Variants in ANPEP observed in about 807,000 individuals in gnomAD.
The protein encoded by ANPEP is alanyl aminopeptidase, membrane.
In ANPEP, 70 loss-of-function variants were observed where a neutral mutation model predicts 114.6. The ratio of observed to expected loss-of-function variants is 0.61; its 90% CI spans 0.50 to 0.75. The LOEUF (loss-of-function observed/expected upper bound fraction) is 0.75, where lower values mean the gene tolerates loss of function less well. ANPEP is among the 30% of genes least tolerant of loss of function. ANPEP has a pLI of 0.00. For synonymous variants in ANPEP, 548 were observed against 522.3 expected, an observed-to-expected ratio of 1.05 and a Z score of -0.67; for missense variants, 1,184 against 1,259.5, an observed-to-expected ratio of 0.94 and a Z score of 0.91.
In ANPEP at chr15:89,800,509, A is replaced by G. The variant is rs577120394; in HGVS notation, c.1819+602T>C. 6.6e-5 allele frequency among the ~76,000 whole-genome samples: 10 copies of G among 150,812 alleles called. No individual in the cohort carries two copies. The East Asian group carries it at 1.9e-3, about 29-fold the overall frequency. ...AGTGCCTTGCTGAGTAGGGCTGCTCATAACATGTGCCAGGCACTACTTTAA... is the reference window on the plus strand; with the variant it reads ...AGTGCCTTGCTGAGTAGGGCTGCTCGTAACATGTGCCAGGCACTACTTTAA... On this transcript the variant is annotated intron_variant, in intron 12 of 20. Transcript: ENST00000300060.
At chr15:89,801,945 T>A (rs1217633301) in intron 10 of ANPEP, among the ~76,000 whole-genome samples, 1 of 150,288 alleles carries the variant, frequency 6.7e-6, no homozygotes, top group Non-Finnish European at 1.5e-5. Context: ...GAGACAGAGA[T>A]GAGAGAAAGC....
intron 18 of ANPEP, among the ~76,000 whole-genome samples, chr15:89,791,439 CTCTTT>C (rs1417538800): frequency 3.6e-5 from 3 of 84,320 alleles, no homozygotes; most frequent in Admixed American, 2.0e-4. Context: ...CTTTTCTTTT[CTCTTT>C]TCTTTTCTTT....
chr15:89,811,294 C>T (rs1012917125), intron 1 of ANPEP, among the ~76,000 whole-genome samples: 1 of 152,118 alleles, frequency 6.6e-6, no homozygotes, highest in Non-Finnish European at 1.5e-5. Flanking sequence ...TCCTTCTGAG[C>T]GATAAAATCA....
Position 89,799,275 on chromosome 15 carries a change from G to C in ANPEP, c.1994C>G (p.Ala665Gly). 6.2e-7 allele frequency: 1 copy of C among 1,614,206 alleles called. No homozygotes were observed. The highest frequency in any genetic ancestry group is 1.1e-5 in the South Asian group (1 of 91,088). The change falls in exon 14 of 21, where the codon GCC becomes GGC. Residue 665 changes from alanine to glycine, a missense_variant. By Grantham distance (60) the Ala-to-Gly change is moderately conservative. Transcript: ENST00000300060. This position sits in a 1 kb window ranked among gnomAD's most constrained non-coding sequence, Gnocchi z 4.2. The part of the protein sequence containing the change: ...VINRAQIIND[A>G]FNLASAHKVP... ...GAGCACTCACCTGGCCAGGTTGAAG[G>C]CGTCATTAATGATCTGTGCCCGATT...
At chr15:89,792,916 G>C in intron 16 of ANPEP, 119 bp downstream of exon 16, 1 of 889,338 alleles carries the variant, frequency 1.1e-6, no homozygotes, top group Non-Finnish European at 1.8e-6. Context: ...TCCTGGGTGG[G>C]GGTCTCTCCC....
chr15:89,791,066 G>C lies in ANPEP; in HGVS notation c.2556C>G (p.Asp852Glu), dbSNP rs1015428579. ...NRYLSYTLNPDLIRKQDATST... is the reference protein window; with the variant it reads ...NRYLSYTLNPELIRKQDATST... ...AGGTGGCGTCCTGCTTCCGGATTAA[G>C]TCCGGGTTCAGGGTGTAGCTCAGGT... Residue 852 changes from aspartate to glutamate, a missense_variant, in exon 19 of 21, where the codon GAC becomes GAG. Asp to Glu is a conservative substitution (Grantham distance 45). Coordinates refer to ENST00000300060, the MANE Select transcript of ANPEP (RefSeq NM_001150.3). 6.2e-7 allele frequency: 1 copy of C among 1,614,244 alleles called. No homozygotes were observed. Among genetic ancestry groups the C allele is most frequent in the South Asian group, 1.1e-5 (1 of 91,090 alleles).
At position 89,803,214 on chromosome 15, in the gene ANPEP, T is replaced by G; in HGVS notation, c.1569+25A>C. On this transcript the variant is annotated intron_variant, in intron 10 of 20. Coordinates refer to ENST00000300060, the MANE Select transcript of ANPEP (RefSeq NM_001150.3). The surrounding 1 kb of genome is among the most constrained non-coding windows in gnomAD (Gnocchi z 4.2). ...CATCTCAAGACCCCAACAGGATGGC[T>G]GTGGAGGGGCTGGCTGCTACTGACC... The G allele has an allele frequency of 6.2e-7, 1 of 1,610,344 alleles. No individual in the cohort carries two copies. Among genetic ancestry groups the G allele is most frequent in the Non-Finnish European group, 8.5e-7 (1 of 1,176,520 alleles).
At position 89,797,648 on chromosome 15, in the gene ANPEP, C is replaced by A. The variant is rs1596164742; in HGVS notation, c.2084G>T (p.Trp695Leu). 1 of 1,614,156 alleles carries A rather than the reference C, an allele frequency of 6.2e-7. No homozygotes were observed. Residue 695 changes from tryptophan to leucine, a missense_variant, in exon 15 of 21, where the codon TGG becomes TTG. Coordinates refer to ENST00000300060, the MANE Select transcript of ANPEP (RefSeq NM_001150.3). ...GCTCAGGCTGCTCAGGGCGGCCTCC[C>A]AGGGCATGTACTGTCTCTCTTCAAT... ...FLIEERQYMP[W>L]EAALSSLSYF...
Position 89,806,749 on chromosome 15 carries a change from G to A in ANPEP, c.-166C>T, listed in dbSNP as rs1459803072. 3.6e-6 allele frequency: 4 copies of A among 1,116,362 alleles called. No homozygotes were observed. The highest frequency in any genetic ancestry group is 2.5e-6 in the Non-Finnish European group (2 of 812,546). 69.2% of individuals were successfully genotyped at this position (1,116,362 alleles called of 1,614,324 possible). A position where few individuals can be genotyped will look rare whatever the true frequency, so the allele number is the denominator to read the frequency against. On this transcript the variant is annotated 5_prime_UTR_variant, in exon 2 of 21. Transcript: ENST00000300060. The surrounding 1 kb of genome is among the most constrained non-coding windows in gnomAD (Gnocchi z 5.7). ...AGGTCACTGGACTGGGCAGGGGCACGCTCCGCCTGGGGAGAGGAGATCCAG... is the reference window on the plus strand; with the variant it reads ...AGGTCACTGGACTGGGCAGGGGCACACTCCGCCTGGGGAGAGGAGATCCAG...
Position 89,801,520 on chromosome 15 carries a change from T to G in ANPEP, c.1657A>C (p.Thr553Pro). Residue 553 changes from threonine to proline, a missense_variant, in exon 11 of 21, where the codon ACG becomes CCG. By Grantham distance (38) the Thr-to-Pro change is conservative. Coordinates refer to ENST00000300060, the MANE Select transcript of ANPEP (RefSeq NM_001150.3). ...WTLQMGFPVI[T>P]VDTSTGTLSQ... is the part of the protein sequence containing the mutation. ...AGGGTCCCCGTGCTGGTATCCACCG[T>G]GATGACCGGGAAGCCCATCTGCAGG... 1 of 1,614,174 alleles carries G rather than the reference T, an allele frequency of 6.2e-7. No individual in the cohort carries two copies.
At chr15:89,792,680 T>TG (rs1968655227) in intron 16 of ANPEP, 118 bp from the exon 17 acceptor site, 8 of 868,976 alleles carry the variant, frequency 9.2e-6, no homozygotes, top group East Asian at 2.6e-5. Flanking sequence ...ACTGGCCCTC[T>TG]GACCCCCGCT....
chr15:89,801,676 T>G, intron 10 of ANPEP, 69 bp from the exon 11 acceptor site: 3 of 1,558,632 alleles, frequency 1.9e-6, no homozygotes, highest in Non-Finnish European at 1.7e-6. Context: ...GGGCATCTCC[T>G]GCAGATTCTC....
chr15:89,785,060 C>T lies in ANPEP; in HGVS notation c.*289G>A. The stretch of plus-strand genomic sequence containing the variant: ...CATCGAGAGCTTCTGCTCATCTGGC[C>T]CTGGAGCTGGGCTTCCCTGAGATCA... On this transcript the variant is annotated 3_prime_UTR_variant, in exon 21 of 21. Transcript: ENST00000300060. 1 of 381,844 alleles carries T rather than the reference C, an allele frequency of 2.6e-6. No homozygotes were observed. The highest frequency in any genetic ancestry group is 5.0e-5 in the East Asian group (1 of 19,826). 23.7% of individuals were successfully genotyped at this position (381,844 alleles called of 1,614,324 possible).
chr15:89,809,484 C>T (rs886609821), intron 1 of ANPEP, among the ~76,000 whole-genome samples: 1 of 152,244 alleles, frequency 6.6e-6, no homozygotes, highest in Non-Finnish European at 1.5e-5. Flanking sequence ...CAGCAGGTAG[C>T]CCAAAGTTGG....
intron 10 of ANPEP, chr15:89,802,639 C>T (rs754975531): frequency 3.8e-4 from 53 of 138,744 alleles, no homozygotes; most frequent in Non-Finnish European, 5.8e-4. Context: ...ATGATGTCAG[C>T]GGAAATGATG....
chr15:89,805,076 A>G lies in ANPEP; in HGVS notation c.897+2T>C, dbSNP rs1894680283. On this transcript the variant is annotated splice_donor_variant, in intron 4 of 20. Coordinates refer to ENST00000300060, the MANE Select transcript of ANPEP (RefSeq NM_001150.3). LOFTEE classifies it high-confidence loss of function. ...GAAGGAGAGATGGGCCCAGCCTCAT[A>G]CCAAGACACCATTGGATGCCTGCTT... The G allele has an allele frequency of 6.2e-7, 1 of 1,614,210 alleles. No homozygotes were observed. Among genetic ancestry groups the G allele is most frequent in the East Asian group, 2.2e-5 (1 of 44,878 alleles).
In ANPEP at chr15:89,797,659, C is replaced by A. The variant is rs773603314; in HGVS notation, c.2073G>T (p.Gln691His). 2.2e-5 allele frequency: 35 copies of A among 1,614,142 alleles called. No individual in the cohort carries two copies. The highest frequency in any genetic ancestry group is 2.4e-5 in the Non-Finnish European group (28 of 1,180,014). ...NNTLFLIEER[Q>H]YMPWEAALSS... is the part of the protein sequence containing the mutation. ...TCAGGGCGGCCTCCCAGGGCATGTACTGTCTCTCTTCAATCAGGAAGAGGG... is the reference window on the plus strand; with the variant it reads ...TCAGGGCGGCCTCCCAGGGCATGTAATGTCTCTCTTCAATCAGGAAGAGGG... Residue 691 changes from glutamine (Q) to histidine (H), a missense_variant, in exon 15 of 21, where the codon CAG (glutamine) becomes CAT (histidine). Physicochemically the swap from Gln to His is conservative, Grantham distance 24. Transcript: ENST00000300060.
intron 15 of ANPEP, among the ~76,000 whole-genome samples, chr15:89,794,376 C>T (rs1386856485): frequency 1.3e-5 from 2 of 151,928 alleles, no homozygotes; most frequent in African/African-American, 4.8e-5. Flanking sequence ...CCCAGCTACT[C>T]AGGAGGCTGA....
intron 2 of ANPEP, 23 bp from the exon 3 acceptor site, chr15:89,805,486 G>C: frequency 6.2e-7 from 1 of 1,613,102 alleles, no homozygotes; most frequent in Non-Finnish European, 8.5e-7. Context: ...GAAGGTTAGA[G>C]GGTGTGCCAG....
Sources: gnomAD v4.1 joint callset for allele counts (sites outside exome capture counted in the v4.1 genomes callset) on GRCh38, gnomAD v4.1.1 for gene constraint, Gnocchi (gnomAD v3.1) non-coding constraint, MANE v1.5 for transcripts, NCBI Gene and HGNC (gene_info 2026-07-23, HGNC 2026-07-21) for gene names.